The following ATE1 variants were observed in gnomAD, a reference collection of about 807,000 sequenced individuals.
ATE1 encodes the protein arginyl-tRNA--protein transferase 1.
A neutral mutation model predicts 70.5 loss-of-function variants in ATE1; 36 were observed. The observed-to-expected ratio is 0.51, with a 90% confidence interval of 0.39 to 0.67. The LOEUF is 0.67. Ranked by LOEUF, ATE1 falls within the 30% of genes least tolerant of loss-of-function variation. The probability of loss-of-function intolerance (pLI) is 0.00; values close to 1 mark genes in which losing one functional copy is unlikely to be tolerated. For synonymous variants in ATE1, 232 were observed against 219.3 expected (o/e 1.06, Z -0.51); for missense variants, 593 against 629.5 (o/e 0.94, Z 0.62).
At chr10:121,883,467 G>A (rs936381901) in intron 7 of ATE1, among the ~76,000 whole-genome samples, 4 of 152,124 alleles carry the variant, frequency 2.6e-5, no homozygotes, top group Non-Finnish European at 5.9e-5. Flanking sequence ...GAAAGAGAAA[G>A]GATAAAGGGG....
At chr10:121,786,206 T>G (rs74794472) in intron 11 of ATE1, among the ~76,000 whole-genome samples, 2 of 1,970 alleles carry the variant, frequency 1.0e-3, no homozygotes, top group Non-Finnish European at 6.6e-3. Flanking sequence ...AAGAAAGTTT[T>G]TTTTTTTTTT....
chr10:121,793,425 C>T (rs1454552395), intron 10 of ATE1, among the ~76,000 whole-genome samples: 3 of 152,092 alleles, frequency 2.0e-5, no homozygotes, highest in Admixed American at 6.5e-5. Context: ...AGGGTTTTAA[C>T]TTTTATAGTG....
At chr10:121,755,295 T>C (rs1215661902) in intron 11 of ATE1, among the ~76,000 whole-genome samples, 1 of 152,196 alleles carries the variant, frequency 6.6e-6, no homozygotes, top group Non-Finnish European at 1.5e-5. Flanking sequence ...AAAAAAAGTG[T>C]CCTTGTTTTC....
chr10:121,861,710 T>G, intron 8 of ATE1, among the ~76,000 whole-genome samples: 1 of 147,968 alleles, frequency 6.8e-6, no homozygotes, highest in Non-Finnish European at 1.5e-5. Context: ...GTAACTAACC[T>G]GCACATTGTG....
At chr10:121,899,546 T>C (rs1049310257) in intron 7 of ATE1, among the ~76,000 whole-genome samples, 27 of 152,310 alleles carry the variant, frequency 1.8e-4, no homozygotes, top group Admixed American at 1.5e-3. Flanking sequence ...CATAAAAATA[T>C]AGTTTCCTGA....
chr10:121,911,133 G>C lies in ATE1; in HGVS notation c.356C>G (p.Thr119Arg), dbSNP rs1318311641. 6.2e-7 allele frequency: 1 copy of C among 1,608,006 alleles called. No homozygotes were observed. Reference sequence around the variant, plus strand: ...GTCACCCGCAACAGCATCATCCATTGTGGAATCCATGGGCTCATCTACAAA... The same window carrying C: ...GTCACCCGCAACAGCATCATCCATTCTGGAATCCATGGGCTCATCTACAAA... ...GSCEDEPMDS[T>R]MDDAVAGDFA... Residue 119 changes from threonine to arginine, a missense_variant, in exon 5 of 12, where the codon ACA (threonine) becomes AGA (arginine). By Grantham distance (71) the Thr-to-Arg change is moderately conservative (BLOSUM62 -1). Transcript: ENST00000224652.
intron 6 of ATE1, among the ~76,000 whole-genome samples, chr10:121,901,886 G>A (rs546628004): frequency 1.3e-5 from 2 of 152,296 alleles, no homozygotes; most frequent in South Asian, 2.1e-4. Context: ...AAGTGGTTTT[G>A]GCACTAATGA....
intron 11 of ATE1, among the ~76,000 whole-genome samples, chr10:121,775,342 C>G (rs533218569): frequency 1.3e-5 from 2 of 151,974 alleles, no homozygotes; most frequent in Non-Finnish European, 2.9e-5. Context: ...GGAGGGAGAG[C>G]ATTAGGGCAA....
chr10:121,826,585 A>G (rs886944545), intron 10 of ATE1, among the ~76,000 whole-genome samples: 1 of 152,148 alleles, frequency 6.6e-6, no homozygotes, highest in Admixed American at 6.5e-5. Context: ...GATTACAGGC[A>G]TGAGCCACCG....
chr10:121,922,592 C>A (rs984917934), intron 2 of ATE1, among the ~76,000 whole-genome samples, 181 bp from the exon 3 acceptor site: 1 of 152,042 alleles, frequency 6.6e-6, no homozygotes, highest in Non-Finnish European at 1.5e-5. Flanking sequence ...AGTTTAGAAC[C>A]CTGCCTTTTA....
chr10:121,812,613 G>A (rs1257324183), intron 10 of ATE1, among the ~76,000 whole-genome samples: 1 of 151,944 alleles, frequency 6.6e-6, no homozygotes, highest in Non-Finnish European at 1.5e-5. Context: ...TATTATTATG[G>A]TCCCTAAAAA....
intron 11 of ATE1, among the ~76,000 whole-genome samples, chr10:121,751,205 T>C (rs1327851095): frequency 1.3e-5 from 2 of 152,242 alleles, no homozygotes; most frequent in Admixed American, 1.3e-4. Flanking sequence ...ATATTTTTGG[T>C]CAAAATGAAA....
intron 7 of ATE1, among the ~76,000 whole-genome samples, chr10:121,884,084 C>G (rs1022114700): frequency 1.8e-5 from 2 of 109,076 alleles, no homozygotes; most frequent in Non-Finnish European, 3.3e-5. Context: ...CCAGTCTGAG[C>G]GACACAGTGA....
In ATE1 at chr10:121,913,789, C is replaced by T; in HGVS notation, c.337+1G>A. Reference sequence around the variant, plus strand: ...TCGTTTTTAGACCCAGCCCATCTTACCCTCACAACTTCCTTTGGGAACCTC... The same window carrying T: ...TCGTTTTTAGACCCAGCCCATCTTATCCTCACAACTTCCTTTGGGAACCTC... On this transcript the variant is annotated splice_donor_variant, in intron 4 of 11. Coordinates refer to ENST00000224652, the MANE Select transcript of ATE1 (RefSeq NM_001001976.3). LOFTEE classifies it high-confidence loss of function. 1 of 1,603,854 alleles carries T rather than the reference C, an allele frequency of 6.2e-7. No individual in the cohort carries two copies. Among genetic ancestry groups the T allele is most frequent in the East Asian group, 2.2e-5 (1 of 44,756 alleles).
intron 1 of ATE1, among the ~76,000 whole-genome samples, 154 bp from the exon 2 acceptor site, chr10:121,924,483 A>T (rs374541157): frequency 3.6e-4 from 55 of 152,068 alleles, no homozygotes; most frequent in Admixed American, 3.6e-3. Flanking sequence ...GGCAAATCAC[A>T]AGGTCAGGAG....
At chr10:121,770,273 C>CACACACACACAG (rs1461570810) in intron 11 of ATE1, among the ~76,000 whole-genome samples, 1 of 150,770 alleles carries the variant, frequency 6.6e-6, no homozygotes, top group Non-Finnish European at 1.5e-5. Context: ...CACACACACA[C>CACACACACACAG]AGACATACAC....
chr10:121,858,870 C>G (rs1949360582), intron 8 of ATE1, among the ~76,000 whole-genome samples: 1 of 151,720 alleles, frequency 6.6e-6, no homozygotes, highest in Non-Finnish European at 1.5e-5. Flanking sequence ...CCGAGGCGGG[C>G]AGATCATCTG....
At chr10:121,811,621 A>G (rs2133475223) in intron 10 of ATE1, among the ~76,000 whole-genome samples, 1 of 152,286 alleles carries the variant, frequency 6.6e-6, no homozygotes, top group South Asian at 2.1e-4. Context: ...ACCTTTCCCC[A>G]TGCTCGGAAA....
intron 11 of ATE1, among the ~76,000 whole-genome samples, chr10:121,773,362 G>A (rs532361698): frequency 3.9e-4 from 59 of 152,272 alleles, no homozygotes; most frequent in Admixed American, 1.9e-3. Context: ...CAACCAAGTC[G>A]ATAGGGCAAA....
Sources: gnomAD v4.1 joint callset for allele counts (sites outside exome capture counted in the v4.1 genomes callset) on GRCh38, gnomAD v4.1.1 for gene constraint, MANE v1.5 for transcripts, NCBI Gene and HGNC (gene_info 2026-07-23, HGNC 2026-07-21) for gene names.